C1orf141: variants seen among roughly 807,000 people sequenced by gnomAD.
The protein encoded by C1orf141 is chromosome 1 open reading frame 141, also known as uncharacterized protein C1orf141.
A neutral mutation model predicts 23.2 loss-of-function variants in C1orf141; 19 were observed. The ratio of observed to expected loss-of-function variants is 0.82; its 90% CI spans 0.57 to 1.20. The LOEUF (loss-of-function observed/expected upper bound fraction) is 1.20, where lower values mean the gene tolerates loss of function less well. Ranked by LOEUF, C1orf141 falls within the 50% of genes most tolerant of loss-of-function variation. The pLI is 0.00. For synonymous variants in C1orf141, 153 were observed against 154.6 expected (o/e 0.99, Z 0.08); for missense variants, 469 against 455.1 (o/e 1.03, Z -0.28).
chr1:67,093,675 A>G, intron 7 of C1orf141, 71 bp from the exon 8 acceptor site: 2 of 1,221,774 alleles, frequency 1.6e-6, no homozygotes, highest in South Asian at 3.6e-5. Flanking sequence ...ATTTTAAAAC[A>G]TGTAAATAAA....
At chr1:67,105,725 G>A (rs1645911875) in intron 5 of C1orf141, among the ~76,000 whole-genome samples, 1 of 152,080 alleles carries the variant, frequency 6.6e-6, no homozygotes, top group Non-Finnish European at 1.5e-5. Context: ...AAAGCAGGTG[G>A]CAAAGAAAAA....
intron 5 of C1orf141, among the ~76,000 whole-genome samples, chr1:67,098,948 C>T (rs1645743982): frequency 6.6e-6 from 1 of 151,942 alleles, no homozygotes; most frequent in African/African-American, 2.4e-5. Flanking sequence ...GCCAAGAATG[C>T]ATAGAAAGAT....
chr1:67,113,427 G>C (rs1460290841), intron 5 of C1orf141, among the ~76,000 whole-genome samples: 3 of 151,400 alleles, frequency 2.0e-5, no homozygotes, highest in African/African-American at 7.3e-5. Context: ...GTGCAATGGT[G>C]CAATCTCAGC....
intron 4 of C1orf141, among the ~76,000 whole-genome samples, chr1:67,117,399 G>T (rs2102471519): frequency 6.6e-6 from 1 of 152,216 alleles, no homozygotes; most frequent in African/African-American, 2.4e-5. Flanking sequence ...CTCCAGCCTG[G>T]GTGACAGAGA....
intron 5 of C1orf141, among the ~76,000 whole-genome samples, chr1:67,105,092 C>T (rs1027149097): frequency 8.6e-5 from 13 of 151,966 alleles, no homozygotes; most frequent in African/African-American, 2.9e-4. Context: ...TTTGGGAGGC[C>T]GAGGCGGGTG....
chr1:67,097,976 C>T (rs1297537442), intron 5 of C1orf141, among the ~76,000 whole-genome samples: 2 of 152,176 alleles, frequency 1.3e-5, no homozygotes, highest in Non-Finnish European at 2.9e-5. Flanking sequence ...ATAAAAATCA[C>T]TCCTTTCCAT....
chr1:67,114,048 GA>G (rs942321689), intron 5 of C1orf141, among the ~76,000 whole-genome samples: 1 of 151,926 alleles, frequency 6.6e-6, no homozygotes, highest in Admixed American at 6.6e-5. Context: ...GCTTGAGATA[GA>G]AAAAAACAAA....
At chr1:67,129,460 AT>A (rs1217711658) in intron 2 of C1orf141, among the ~76,000 whole-genome samples, 1 of 152,022 alleles carries the variant, frequency 6.6e-6, no homozygotes, top group Non-Finnish European at 1.5e-5. Flanking sequence ...GCAAGACCCC[AT>A]TTCTTTAAAA....
At chr1:67,130,011 G>A (rs1646488316) in intron 2 of C1orf141, among the ~76,000 whole-genome samples, 1 of 152,120 alleles carries the variant, frequency 6.6e-6, no homozygotes, top group Non-Finnish European at 1.5e-5. Flanking sequence ...GACATTGACA[G>A]GGTAAAGGCA....
chr1:67,121,758 C>A (rs1161172875), intron 4 of C1orf141: 1 of 152,136 alleles, frequency 6.6e-6, no homozygotes, highest in African/African-American at 2.4e-5. Context: ...GGCTTTAGCA[C>A]ACCACTGTAC....
chr1:67,103,352 A>G lies in C1orf141; in HGVS notation c.347-7031T>C, dbSNP rs1419529983. The G allele has an allele frequency of 6.9e-6, 10 of 1,442,932 alleles. No individual in the cohort carries two copies. In the East Asian group the frequency reaches 2.2e-4, roughly 32 times the overall value. 89.4% of individuals were successfully genotyped at this position (1,442,932 alleles called of 1,614,324 possible). A position where few individuals can be genotyped will look rare whatever the true frequency, so the allele number is the denominator to read the frequency against. On this transcript the variant is annotated intron_variant, in intron 5 of 7. Coordinates refer to ENST00000684719, the MANE Select transcript of C1orf141 (RefSeq NM_001276351.2). ...CTACATGCTTGTCTATGCTGTGAATATAGAACATTCAAAGGCCCTGCATTT... is the reference window on the plus strand; with the variant it reads ...CTACATGCTTGTCTATGCTGTGAATGTAGAACATTCAAAGGCCCTGCATTT...
At position 67,093,159 on chromosome 1, in the gene C1orf141, A is replaced by G. The variant is rs1314498143; in HGVS notation, c.1049T>C (p.Met350Thr). 3.1e-6 allele frequency: 5 copies of G among 1,613,978 alleles called. No homozygotes were observed. The Admixed American group carries it at 5.0e-5, about 16-fold the overall frequency. The change falls in exon 8 of 8, where the codon ATG becomes ACG. Residue 350 changes from methionine (M) to threonine (T), a missense_variant. By Grantham distance (81) the Met-to-Thr change is moderately conservative (BLOSUM62 -1). Coordinates refer to ENST00000684719, the MANE Select transcript of C1orf141 (RefSeq NM_001276351.2). ...MSAQTGKFER[M>T]FSAGKPTSIP... ...GCTCGTTGGTTTTCCTGCAGAAAAC[A>G]TTCTTTCAAATTTTCCAGTTTGGGC... is the stretch of plus-strand genomic sequence containing the variant.
chr1:67,137,073 T>A (rs1380607697), upstream of C1orf141, among the ~76,000 whole-genome samples: 2 of 152,142 alleles, frequency 1.3e-5, no homozygotes, highest in Non-Finnish European at 2.9e-5. Flanking sequence ...ATCTGCAGAC[T>A]TTTTCCTGCT....
intron 4 of C1orf141, chr1:67,122,038 T>A (rs1193465619): frequency 6.6e-6 from 1 of 152,194 alleles, no homozygotes; most frequent in Admixed American, 6.5e-5. Flanking sequence ...ACTGCTTTAT[T>A]ACTATTACTA....
In C1orf141 at chr1:67,093,346, C is replaced by A; in HGVS notation, c.862G>T (p.Ala288Ser). 6.2e-7 allele frequency: 1 copy of A among 1,613,862 alleles called. No individual in the cohort carries two copies. The highest frequency in any genetic ancestry group is 1.1e-5 in the South Asian group (1 of 91,070). The change falls in exon 8 of 8, where the codon GCG becomes TCG. Residue 288 changes from alanine to serine, a missense_variant. This residue lies in a region of C1orf141 where 370 missense variants were observed against 348.1 expected (regional missense o/e 1.06). Coordinates refer to ENST00000684719, the MANE Select transcript of C1orf141 (RefSeq NM_001276351.2). ...TTATCATCTACAGTTGTGTGGCCCGCTTTAAAAGACATAGGGATCTGTATA... is the reference window on the plus strand; with the variant it reads ...TTATCATCTACAGTTGTGTGGCCCGATTTAAAAGACATAGGGATCTGTATA... Reference protein sequence around the residue: ...KDIQIPMSFKAGHTTVDDKLK... With the variant: ...KDIQIPMSFKSGHTTVDDKLK...
chr1:67,125,668 T>C (rs529916449), intron 4 of C1orf141, 84 bp downstream of exon 4: 2 of 1,313,292 alleles, frequency 1.5e-6, no homozygotes, highest in African/African-American at 1.5e-5. Flanking sequence ...CACTGCACTC[T>C]ACCCTAGGCA....
chr1:67,127,640 C>T (rs567186349), intron 2 of C1orf141, among the ~76,000 whole-genome samples: 5 of 151,370 alleles, frequency 3.3e-5, no homozygotes, highest in South Asian at 2.1e-4. Context: ...TTAATTTTGT[C>T]GTTGTTGTTG....
intron 4 of C1orf141, among the ~76,000 whole-genome samples, chr1:67,124,598 C>G (rs545342866): frequency 6.6e-6 from 1 of 152,170 alleles, no homozygotes. Context: ...GGATTACAGG[C>G]GTGAGCCACC....
upstream of C1orf141, chr1:67,135,123 A>T (rs1349735826): frequency 6.6e-6 from 1 of 152,346 alleles, no homozygotes; most frequent in Non-Finnish European, 1.5e-5. Context: ...AGCCCAGGTG[A>T]CTCCCCAGAT....
Sources: allele counts gnomAD v4.1 joint callset (sites outside exome capture counted in the v4.1 genomes callset), GRCh38; gene constraint gnomAD v4.1.1; regional missense constraint gnomAD v4.1.1; transcripts MANE v1.5; gene names NCBI Gene and HGNC (gene_info 2026-07-23, HGNC 2026-07-21).